The following POLR3E variants were observed in gnomAD, a reference collection of about 807,000 sequenced individuals.
POLR3E encodes the protein DNA-directed RNA polymerase III subunit RPC5.
A neutral mutation model predicts 96.6 loss-of-function variants in POLR3E; 41 were observed. That is an observed-to-expected ratio of 0.42 (90% CI 0.33 to 0.55). The LOEUF (loss-of-function observed/expected upper bound fraction) is 0.55, where lower values mean the gene tolerates loss of function less well. POLR3E is among the 20% of genes least tolerant of loss of function. The pLI is 0.06. For missense variants in POLR3E, 849 were observed against 952.1 expected (o/e 0.89, Z 1.43); for synonymous variants, 396 against 383.6 (o/e 1.03, Z -0.38).
At chr16:22,309,632 C>A in intron 6 of POLR3E, 122 bp downstream of exon 6, 1 of 774,910 alleles carries the variant, frequency 1.3e-6, no homozygotes, top group Non-Finnish European at 2.3e-6. Flanking sequence ...CCTGTGGGGG[C>A]CGGGCAGGTG....
rs533504242 is a variant in POLR3E at position 22,316,809 on chromosome 16, C to A, written c.728+123C>A. On this transcript the variant is annotated intron_variant, in intron 10 of 20. Transcript: ENST00000299853. Reference sequence around the variant, plus strand: ...AGCATGAGGGTGGAGCCCATTGTCCCCTGGAGAAGGCCAGGAGGGTGGGCC... The same window carrying A: ...AGCATGAGGGTGGAGCCCATTGTCCACTGGAGAAGGCCAGGAGGGTGGGCC... 1.9e-3 allele frequency: 1,925 copies of A among 1,002,218 alleles called. 21 individuals are homozygous for A. Among genetic ancestry groups the A allele is most frequent in the Non-Finnish European group, 3.3e-4 (210 of 637,038 alleles). 62.1% of individuals were successfully genotyped at this position (1,002,218 alleles called of 1,614,324 possible).
chr16:22,312,860 C>A (rs1318329899), intron 6 of POLR3E, among the ~76,000 whole-genome samples: 1 of 117,750 alleles, frequency 8.5e-6, no homozygotes, highest in South Asian at 2.6e-4. Context: ...GGTGACAGAG[C>A]GACACTCCAT....
rs561321646 is a variant in POLR3E, at chr16:22,316,536, G to T, written c.643-65G>T. On this transcript the variant is annotated intron_variant, in intron 9 of 20. Coordinates refer to ENST00000299853, the MANE Select transcript of POLR3E (RefSeq NM_018119.4). ...ATGGAGTGGAAGACGGGAGGCCTTG[G>T]GGGAGGGGGCCCAGGCCAGGGCCAT... 2.1e-5 allele frequency: 28 copies of T among 1,303,884 alleles called. No homozygotes were observed. The East Asian group carries it at 3.7e-4, about 17-fold the overall frequency. 80.8% of individuals were successfully genotyped at this position (1,303,884 alleles called of 1,614,324 possible).
At chr16:22,315,503 T>C (rs1186459667) in intron 9 of POLR3E, among the ~76,000 whole-genome samples, 1 of 152,152 alleles carries the variant, frequency 6.6e-6, no homozygotes, top group African/African-American at 2.4e-5. Flanking sequence ...ATATTTTCGC[T>C]GCAGCCCAGG....
chr16:22,313,330 G>A lies in POLR3E; in HGVS notation c.365-290G>A, dbSNP rs965812539. Among the ~76,000 whole-genome samples the A allele has an allele frequency of 6.6e-6, 1 of 152,208 alleles. No homozygotes were observed. Among genetic ancestry groups the A allele is most frequent in the Non-Finnish European group, 1.5e-5 (1 of 68,032 alleles). On this transcript the variant is annotated intron_variant, in intron 6 of 20. Transcript: ENST00000299853. This position sits in a 1 kb window ranked among gnomAD's most constrained non-coding sequence, Gnocchi z 4.1. Reference sequence around the variant, plus strand: ...CTAGTGTTGCAAAGCGAGCAGCTGGGGAGAGGGGCGTGGAACCAGACTGGG... The same window carrying A: ...CTAGTGTTGCAAAGCGAGCAGCTGGAGAGAGGGGCGTGGAACCAGACTGGG...
intron 12 of POLR3E, among the ~76,000 whole-genome samples, chr16:22,317,662 G>T (rs1446939052): frequency 6.7e-6 from 1 of 149,078 alleles, no homozygotes; most frequent in Non-Finnish European, 1.5e-5. Context: ...TGTTGTTGTT[G>T]TTGTTTTTTT....
At chr16:22,331,022 T>TG (rs2048728643) in intron 19 of POLR3E, among the ~76,000 whole-genome samples, 1 of 130,292 alleles carries the variant, frequency 7.7e-6, no homozygotes, top group Non-Finnish European at 1.5e-5. Flanking sequence ...TTTTTTTTTT[T>TG]GAGACAGAGT....
intron 8 of POLR3E, among the ~76,000 whole-genome samples, chr16:22,314,357 C>T (rs1598254657): frequency 6.6e-6 from 1 of 152,278 alleles, no homozygotes; most frequent in African/African-American, 2.4e-5. Flanking sequence ...CTAGAGTCAC[C>T]TGGGAGCAGG....
chr16:22,324,638 C>G lies in POLR3E; in HGVS notation c.1264C>G (p.Leu422Val), dbSNP rs375183154. 3 of 1,613,898 alleles carry G rather than the reference C, an allele frequency of 1.9e-6. No homozygotes were observed. The highest frequency in any genetic ancestry group is 2.5e-6 in the Non-Finnish European group (3 of 1,179,958). The change falls in exon 16 of 21, where the codon CTG becomes GTG. Residue 422 changes from leucine (L) to valine (V), a missense_variant. Coordinates refer to ENST00000299853, the MANE Select transcript of POLR3E (RefSeq NM_018119.4). ...HPDVVQRQHM[L>V]WTGIQAKLEK... ...GGATGTGGTCCAGCGGCAGCACATG[C>G]TGTGGACGGGTATCCAGGCCAAGTA... is the stretch of plus-strand genomic sequence containing the variant.
chr16:22,304,855 G>A (rs973817135), intron 2 of POLR3E, among the ~76,000 whole-genome samples: 8 of 152,136 alleles, frequency 5.3e-5, no homozygotes, highest in South Asian at 4.1e-4. Context: ...GCTGTAGGAC[G>A]TTTCCCGATC....
At chr16:22,326,318 G>A (rs1318477874) in intron 18 of POLR3E, 40 bp downstream of exon 18, 1 of 462,308 alleles carries the variant, frequency 2.2e-6, no homozygotes. Context: ...GGGGGGTGGG[G>A]GGTGGGGAGA....
intron 16 of POLR3E, 79 bp from the exon 17 acceptor site, chr16:22,325,126 C>CT: frequency 9.0e-7 from 1 of 1,106,662 alleles, no homozygotes; most frequent in Non-Finnish European, 1.4e-6. Flanking sequence ...GTCCTGGGGC[C>CT]TAAGGGGTGG....
At chr16:22,311,290 T>A (rs1046199699) in intron 6 of POLR3E, among the ~76,000 whole-genome samples, 17 of 149,668 alleles carry the variant, frequency 1.1e-4, no homozygotes, top group African/African-American at 4.0e-4. Context: ...TTTTTTTTTT[T>A]AATAAATTTA....
chr16:22,320,700 G>C (rs1045237942), intron 13 of POLR3E, among the ~76,000 whole-genome samples: 4 of 152,026 alleles, frequency 2.6e-5, no homozygotes. Flanking sequence ...GGATCATTTC[G>C]TTCTGCCTAA....
intron 2 of POLR3E, among the ~76,000 whole-genome samples, 192 bp from the exon 3 acceptor site, chr16:22,304,964 G>A (rs1469708455): frequency 6.6e-6 from 1 of 152,164 alleles, no homozygotes; most frequent in African/African-American, 2.4e-5. Context: ...GAGCTTTCAG[G>A]AGGGATTCCT....
At chr16:22,314,584 A>T (rs1263148505) in intron 8 of POLR3E, among the ~76,000 whole-genome samples, 1 of 152,214 alleles carries the variant, frequency 6.6e-6, no homozygotes, top group Non-Finnish European at 1.5e-5. Flanking sequence ...AAGCATATTT[A>T]GATTAAAATG....
intron 20 of POLR3E, 57 bp from the exon 21 acceptor site, chr16:22,333,587 A>T: frequency 1.7e-6 from 2 of 1,155,048 alleles, no homozygotes; most frequent in Non-Finnish European, 2.6e-6. Flanking sequence ...TGTGGACAGA[A>T]TGTAATTAGC....
At position 22,318,776 on chromosome 16, in the gene POLR3E, G is replaced by T; in HGVS notation, c.866-50G>T. The T allele has an allele frequency of 6.3e-7, 1 of 1,574,818 alleles. No homozygotes were observed. Among genetic ancestry groups the T allele is most frequent in the South Asian group, 1.1e-5 (1 of 88,826 alleles). On this transcript the variant is annotated intron_variant, in intron 12 of 20. Transcript: ENST00000299853. The surrounding 1 kb of genome is among the most constrained non-coding windows in gnomAD (Gnocchi z 5.0). ...ATGCGGACTCTCGGTGGAGGGGAGGGAAGGGCCCGGCCCCTCTTCCTTGTC... is the reference window on the plus strand; with the variant it reads ...ATGCGGACTCTCGGTGGAGGGGAGGTAAGGGCCCGGCCCCTCTTCCTTGTC...
chr16:22,321,000 A>C (rs1011044030), intron 13 of POLR3E, among the ~76,000 whole-genome samples: 5 of 152,048 alleles, frequency 3.3e-5, no homozygotes, highest in Admixed American at 6.5e-5. Flanking sequence ...TTAAGTGTGA[A>C]TTTTTTACAT....
Sources: gnomAD v4.1 joint callset for allele counts (sites outside exome capture counted in the v4.1 genomes callset) on GRCh38, gnomAD v4.1.1 for gene constraint, Gnocchi (gnomAD v3.1) non-coding constraint, MANE v1.5 for transcripts, NCBI Gene and HGNC (gene_info 2026-07-23, HGNC 2026-07-21) for gene names.